The following VSTM1 variants were observed in gnomAD, a reference collection of about 807,000 sequenced individuals.
VSTM1 encodes V-set and transmembrane domain containing 1, also known as V-set and transmembrane domain-containing protein 1.
Under a neutral mutation model 33.1 loss-of-function variants are expected in VSTM1, and 27 were observed. That is an observed-to-expected ratio of 0.82 (90% CI 0.60 to 1.12). VSTM1 has a LOEUF of 1.12. VSTM1 is among the 50% of genes most tolerant of loss of function. VSTM1 has a pLI of 0.00. For missense variants in VSTM1, 304 were observed against 288.9 expected (o/e 1.05, Z -0.38); for synonymous variants, 115 against 110.3 (o/e 1.04, Z -0.27).
At chr19:54,062,113 C>A (rs1273358263) in intron 1 of VSTM1, among the ~76,000 whole-genome samples, 4 of 151,394 alleles carry the variant, frequency 2.6e-5, no homozygotes, top group African/African-American at 9.7e-5. Flanking sequence ...AAAGATCATG[C>A]CACTGCACTC....
At chr19:54,051,953 G>T (rs2070860082) in intron 3 of VSTM1, among the ~76,000 whole-genome samples, 2 of 152,032 alleles carry the variant, frequency 1.3e-5, no homozygotes, top group South Asian at 2.1e-4. Context: ...TAGAGACAGG[G>T]TTTCACCATG....
At chr19:54,052,402 AAAAAATAAAAAT>A in intron 3 of VSTM1, among the ~76,000 whole-genome samples, 1 of 140,088 alleles carries the variant, frequency 7.1e-6, no homozygotes, top group South Asian at 2.4e-4. Flanking sequence ...CGTCTCAAAA[AAAAAATAAAAAT>A]AAAAATAAAA....
chr19:54,042,389 T>G lies in VSTM1; in HGVS notation c.395-20A>C, dbSNP rs1162440261. The stretch of plus-strand genomic sequence containing the variant: ...TGGTGTCTGGAGGGGGAAGAGCAGG[T>G]CAGGGAATCAGCCTGGCTCCTGAAA... On this transcript the variant is annotated intron_variant, in intron 4 of 8. Coordinates refer to ENST00000338372, the MANE Select transcript of VSTM1 (RefSeq NM_198481.4). The G allele has an allele frequency of 6.2e-7, 1 of 1,609,916 alleles. No individual in the cohort carries two copies. Among genetic ancestry groups the G allele is most frequent in the African/African-American group, 1.3e-5 (1 of 74,736 alleles).
chr19:54,048,314 C>A (rs1464572263), intron 4 of VSTM1: 4 of 362,850 alleles, frequency 1.1e-5, no homozygotes, highest in Non-Finnish European at 2.2e-5. Flanking sequence ...TGGGATCTTA[C>A]CAAGTTGTCC....
chr19:54,051,457 TAGG>T lies in VSTM1; in HGVS notation c.356-12_356-10del. 6.3e-7 allele frequency: 1 copy of T among 1,594,138 alleles called. No homozygotes were observed. The highest frequency in any genetic ancestry group is 8.5e-7 in the Non-Finnish European group (1 of 1,174,070). On this transcript the variant is annotated splice_polypyrimidine_tract_variant and intron_variant, in intron 3 of 8. Transcript: ENST00000338372. ...AAGTTCATCGTGTTTATCTAGAAAA[TAGG>T]AGGGAAGAAAAGGAATTACACTAAT...
chr19:54,058,819 GGT>G, intron 1 of VSTM1, 87 bp from the exon 2 acceptor site: 1 of 902,580 alleles, frequency 1.1e-6, no homozygotes, highest in East Asian at 2.5e-5. Flanking sequence ...GCTCTTTATA[GGT>G]CTGAGATATA....
rs979943880 is a variant in VSTM1 at position 54,063,860 on chromosome 19, C to G, written c.-83G>C. ...GCGGGACTGGGCCGGCCGCAGCTCT[C>G]CGGCTGCCCGGTTCGTCCCCAGGAT... On this transcript the variant is annotated 5_prime_UTR_variant, in exon 1 of 9. Transcript: ENST00000338372. 3 of 1,499,112 alleles carry G rather than the reference C, an allele frequency of 2.0e-6. No homozygotes were observed. The highest frequency in any genetic ancestry group is 4.9e-5 in the East Asian group (2 of 40,662). The allele number at this position is 1,499,112 out of a possible 1,614,324, so 92.9% of individuals were successfully genotyped here. A position where few individuals can be genotyped will look rare whatever the true frequency, so the allele number is the denominator to read the frequency against.
intron 4 of VSTM1, among the ~76,000 whole-genome samples, 160 bp from the exon 5 acceptor site, chr19:54,042,529 T>C (rs1222313502): frequency 6.6e-6 from 1 of 151,720 alleles, no homozygotes; most frequent in African/African-American, 2.4e-5. Flanking sequence ...GGAATTTCCT[T>C]AATCTTCTCC....
intron 4 of VSTM1, among the ~76,000 whole-genome samples, chr19:54,046,781 C>A (rs1036556286): frequency 6.6e-6 from 1 of 152,148 alleles, no homozygotes; most frequent in African/African-American, 2.4e-5. Context: ...CTCTGGTCTT[C>A]GACCTTCTCT....
chr19:54,062,957 C>T (rs1160700922), intron 1 of VSTM1, among the ~76,000 whole-genome samples: 4 of 152,070 alleles, frequency 2.6e-5, no homozygotes, highest in Non-Finnish European at 5.9e-5. Flanking sequence ...CCAGGTCATC[C>T]GTTTCACAGT....
intron 1 of VSTM1, among the ~76,000 whole-genome samples, chr19:54,063,197 G>T (rs768477736): frequency 3.9e-5 from 6 of 152,050 alleles, no homozygotes; most frequent in Non-Finnish European, 7.4e-5. Context: ...AGTCAGCCGG[G>T]TGTGGTGGCC....
At chr19:54,062,515 G>C (rs2071442389) in intron 1 of VSTM1, among the ~76,000 whole-genome samples, 11 of 152,012 alleles carry the variant, frequency 7.2e-5, no homozygotes, top group Admixed American at 7.2e-4. Context: ...CTGAGTTCAG[G>C]AGTTTGAGAC....
chr19:54,048,091 A>C (rs1251414331), intron 4 of VSTM1, among the ~76,000 whole-genome samples: 4 of 152,110 alleles, frequency 2.6e-5, no homozygotes. Flanking sequence ...GGGACATCAT[A>C]CCTGTGCTTA....
At position 54,063,832 on chromosome 19, in the gene VSTM1, G is replaced by A; in HGVS notation, c.-55C>T. The A allele has an allele frequency of 3.1e-6, 5 of 1,606,840 alleles. No individual in the cohort carries two copies. The highest frequency in any genetic ancestry group is 1.1e-5 in the South Asian group (1 of 90,202). On this transcript the variant is annotated 5_prime_UTR_variant, in exon 1 of 9. Transcript: ENST00000338372. ...GCCTTGGGTTTTACCCTTCAAAGGC[G>A]GAGCGGGACTGGGCCGGCCGCAGCT...
At chr19:54,050,560 C>A (rs180807059) in intron 4 of VSTM1, among the ~76,000 whole-genome samples, 1 of 152,036 alleles carries the variant, frequency 6.6e-6, no homozygotes, top group African/African-American at 2.4e-5. Context: ...TGGCAAACAA[C>A]GCACTCTGTG....
intron 1 of VSTM1, among the ~76,000 whole-genome samples, chr19:54,062,070 T>TG (rs35509924): frequency 0.057 from 8,583 of 151,018 alleles, 342 homozygotes; most frequent in East Asian, 0.1. Context: ...GCAGGAGAAT[T>TG]GATTGAACCC....
At chr19:54,049,928 G>A (rs2070758062) in intron 4 of VSTM1, among the ~76,000 whole-genome samples, 1 of 151,644 alleles carries the variant, frequency 6.6e-6, no homozygotes, top group Non-Finnish European at 1.5e-5. Flanking sequence ...TTCTGCATTT[G>A]GCCCTTAAAG....
At chr19:54,063,235 G>T (rs1436204498) in intron 1 of VSTM1, among the ~76,000 whole-genome samples, 1 of 152,242 alleles carries the variant, frequency 6.6e-6, no homozygotes, top group Admixed American at 6.5e-5. Flanking sequence ...CTACTCGGGA[G>T]GCTGAGGCAG....
At chr19:54,058,772 G>T in intron 1 of VSTM1, 40 bp from the exon 2 acceptor site, 10 of 1,604,124 alleles carry the variant, frequency 6.2e-6, no homozygotes, top group Non-Finnish European at 8.5e-6. Flanking sequence ...TTATGTGCTT[G>T]TCCTTGAGTA....
Sources: gnomAD v4.1 joint callset for allele counts (sites outside exome capture counted in the v4.1 genomes callset) on GRCh38, gnomAD v4.1.1 for gene constraint, MANE v1.5 for transcripts, NCBI Gene and HGNC (gene_info 2026-07-23, HGNC 2026-07-21) for gene names.